The following GMDS variants were observed in gnomAD, a reference collection of about 807,000 sequenced individuals.
GMDS encodes GDP-mannose 4,6 dehydratase.
GMDS carries 20 observed loss-of-function variants against 49.9 expected under a neutral mutation model. The ratio of observed to expected loss-of-function variants is 0.40; its 90% CI spans 0.28 to 0.58. The LOEUF (loss-of-function observed/expected upper bound fraction) is 0.58. GMDS is among the 20% of genes least tolerant of loss of function. The pLI is 0.42. For synonymous variants in GMDS, 177 were observed against 178.6 expected, an observed-to-expected ratio of 0.99 and a Z score of 0.07; for missense variants, 362 against 481.4, an observed-to-expected ratio of 0.75 and a Z score of 2.32.
chr6:2,212,636 C>T (rs1780116616), intron 1 of GMDS, among the ~76,000 whole-genome samples: 2 of 140,750 alleles, frequency 1.4e-5, no homozygotes, highest in Non-Finnish European at 3.0e-5. Context: ...CCTTAGTGGT[C>T]TTTGTGTTAG....
intron 7 of GMDS, among the ~76,000 whole-genome samples, chr6:1,832,764 T>C (rs141076626): frequency 1.6e-3 from 243 of 151,646 alleles, no homozygotes; most frequent in African/African-American, 5.1e-3. Flanking sequence ...TCAGAAAGCA[T>C]ATCTGCAAAC....
rs145660206 is a variant in GMDS at position 1,826,111 on chromosome 6, T to C, written c.772-83525A>G. Among the ~76,000 whole-genome samples, 420 of 152,182 alleles carry C rather than the reference T, an allele frequency of 2.8e-3. 2 individuals carry two copies. Among genetic ancestry groups the C allele is most frequent in the African/African-American group, 9.7e-3 (401 of 41,498 alleles). On this transcript the variant is annotated intron_variant, in intron 7 of 10. Transcript: ENST00000380815. Reference sequence around the variant, plus strand: ...AAGTTGCTCTGGGTGAGTGAGTGAGTGAGAGGTGAGTCAATATGAAGGCCT... The same window carrying C: ...AAGTTGCTCTGGGTGAGTGAGTGAGCGAGAGGTGAGTCAATATGAAGGCCT...
chr6:1,806,743 G>C (rs1770194359), intron 7 of GMDS, among the ~76,000 whole-genome samples: 2 of 152,126 alleles, frequency 1.3e-5, no homozygotes, highest in East Asian at 3.9e-4. Flanking sequence ...TGAATCACAG[G>C]GTTTTATTTA....
At chr6:1,929,919 C>T (rs755111218) in intron 7 of GMDS, among the ~76,000 whole-genome samples, 184 bp downstream of exon 7, 28 of 152,320 alleles carry the variant, frequency 1.8e-4, no homozygotes, top group South Asian at 2.1e-4. Flanking sequence ...GCTACCTGTA[C>T]GTCTGAACCA....
At chr6:2,129,990 T>C (rs759312392) in intron 1 of GMDS, among the ~76,000 whole-genome samples, 22 of 152,210 alleles carry the variant, frequency 1.4e-4, no homozygotes, top group Non-Finnish European at 2.2e-4. Context: ...AAATGTTTAT[T>C]GTACAGTCAC....
intron 7 of GMDS, among the ~76,000 whole-genome samples, chr6:1,773,163 C>T (rs1222131541): frequency 6.7e-6 from 1 of 148,846 alleles, no homozygotes. Context: ...TATATGCATT[C>T]AAGGCAGTTA....
At chr6:2,096,192 T>C (rs1233079971) in intron 4 of GMDS, among the ~76,000 whole-genome samples, 2 of 151,988 alleles carry the variant, frequency 1.3e-5, no homozygotes, top group African/African-American at 4.8e-5. Flanking sequence ...GTTTGCAGAG[T>C]AAAAGGGTAG....
At chr6:1,881,964 T>C (rs1485380500) in intron 7 of GMDS, among the ~76,000 whole-genome samples, 1 of 151,170 alleles carries the variant, frequency 6.6e-6, no homozygotes, top group African/African-American at 2.4e-5. Flanking sequence ...ACTCACAGAG[T>C]TTTTCCAAGA....
chr6:1,789,974 T>C (rs1019327443), intron 7 of GMDS, among the ~76,000 whole-genome samples: 2 of 152,258 alleles, frequency 1.3e-5, no homozygotes, highest in Admixed American at 6.5e-5. Context: ...TCCACTCTGG[T>C]ATATTCTATC....
chr6:2,132,718 T>C (rs150840739), intron 1 of GMDS, among the ~76,000 whole-genome samples: 14 of 152,270 alleles, frequency 9.2e-5, no homozygotes, highest in Non-Finnish European at 5.9e-5. Context: ...GAAATCAGGA[T>C]TGGGAAAATA....
chr6:2,097,612 G>T (rs146723349), intron 4 of GMDS, among the ~76,000 whole-genome samples: 2 of 152,108 alleles, frequency 1.3e-5, no homozygotes, highest in African/African-American at 4.8e-5. Context: ...TTATTACACA[G>T]GAAAGGCTTT....
chr6:1,774,834 G>C (rs1211943001), intron 7 of GMDS, among the ~76,000 whole-genome samples: 2 of 152,188 alleles, frequency 1.3e-5, no homozygotes, highest in Non-Finnish European at 2.9e-5. Flanking sequence ...TCAGGGATCA[G>C]AAGACTGGAG....
At chr6:2,163,836 C>G (rs1407407425) in intron 1 of GMDS, among the ~76,000 whole-genome samples, 1 of 152,190 alleles carries the variant, frequency 6.6e-6, no homozygotes, top group Non-Finnish European at 1.5e-5. Flanking sequence ...TCAGTGACTA[C>G]AGCTCCCACT....
At chr6:1,692,678 G>A (rs946614797) in intron 9 of GMDS, among the ~76,000 whole-genome samples, 1 of 152,020 alleles carries the variant, frequency 6.6e-6, no homozygotes, top group Admixed American at 6.5e-5. Context: ...TGTCTAATAC[G>A]CCATTAATTA....
At chr6:2,159,278 G>C (rs969717879) in intron 1 of GMDS, among the ~76,000 whole-genome samples, 6 of 152,122 alleles carry the variant, frequency 3.9e-5, no homozygotes, top group African/African-American at 1.4e-4. Context: ...GATAACTTCT[G>C]ATCCCAAAAA....
rs571192489 is a variant in GMDS at position 1,722,804 on chromosome 6, T to C, written c.987+3612A>G. Among the ~76,000 whole-genome samples, 25 of 152,344 alleles carry C rather than the reference T, an allele frequency of 1.6e-4. No individual in the cohort carries two copies. The East Asian group carries it at 4.4e-3, about 27-fold the overall frequency. ...ACACACAATGCAATAAATCTGTGCA[T>C]CAGTGTATGCATGTACAGAAAATTA... On this transcript the variant is annotated intron_variant, in intron 9 of 10. Coordinates refer to ENST00000380815, the MANE Select transcript of GMDS (RefSeq NM_001500.4).
chr6:2,219,881 CT>C (rs1780504746), intron 1 of GMDS, among the ~76,000 whole-genome samples: 1 of 151,176 alleles, frequency 6.6e-6, no homozygotes, highest in African/African-American at 2.5e-5. Context: ...AAATCCAAAA[CT>C]TTTTTAGTGT....
At chr6:1,681,108 A>G (rs1764771418) in intron 9 of GMDS, among the ~76,000 whole-genome samples, 1 of 151,992 alleles carries the variant, frequency 6.6e-6, no homozygotes, top group Non-Finnish European at 1.5e-5. Flanking sequence ...ACACATACGT[A>G]CACCTACAAA....
intron 7 of GMDS, among the ~76,000 whole-genome samples, chr6:1,877,101 C>T (rs551749129): frequency 2.0e-5 from 3 of 152,022 alleles, no homozygotes; most frequent in Non-Finnish European, 2.9e-5. Context: ...CTGACCACCA[C>T]GTCCCACCCG....
Sources: allele counts gnomAD v4.1 joint callset (sites outside exome capture counted in the v4.1 genomes callset), GRCh38; gene constraint gnomAD v4.1.1; transcripts MANE v1.5; gene names NCBI Gene and HGNC (gene_info 2026-07-23, HGNC 2026-07-21).